The following GMFG variants were observed in gnomAD, a reference collection of about 807,000 sequenced individuals.
The protein encoded by GMFG is glia maturation factor gamma.
A neutral mutation model predicts 26.1 loss-of-function variants in GMFG; 21 were observed. That is an observed-to-expected ratio of 0.80 (90% CI 0.57 to 1.16). The LOEUF is 1.16. GMFG is among the 50% of genes most tolerant of loss of function. The pLI, the probability that GMFG is intolerant of heterozygous loss-of-function variation, is 0.00. For synonymous variants in GMFG, 65 were observed against 60.8 expected, an observed-to-expected ratio of 1.07 and a Z score of -0.32; for missense variants, 161 against 178.3, an observed-to-expected ratio of 0.90 and a Z score of 0.55.
Position 39,329,633 on chromosome 19 carries a change from T to C in GMFG, c.201-7A>G, listed in dbSNP as rs2075218585. 2.5e-6 allele frequency: 4 copies of C among 1,576,614 alleles called. No homozygotes were observed. In the African/African-American group the frequency reaches 4.0e-5, roughly 16 times the overall value. On this transcript the variant is annotated splice_region_variant and splice_polypyrimidine_tract_variant and intron_variant, in intron 4 of 6. Transcript: ENST00000597595. The stretch of plus-strand genomic sequence containing the variant: ...GTAGCTGTAAACCACGAACCTACCG[T>C]GAAAGGGAATTGAAAATCAGGACTC...
chr19:39,333,084 G>C lies in GMFG; in HGVS notation c.193C>G (p.Gln65Glu). The change falls in exon 4 of 7, where the codon CAG (glutamine) becomes GAG (glutamate). Residue 65 changes from glutamine to glutamate, a missense_variant. By Grantham distance (29) the Gln-to-Glu change is conservative (BLOSUM62 2). Coordinates refer to ENST00000597595, the MANE Select transcript of GMFG (RefSeq NM_004877.4). Reference sequence around the variant, plus strand: ...TTTCTTCCCCCAGGATACCTGGGCTGTCTCTCCGGCAACTCCATTTTGAGC... The same window carrying C: ...TTTCTTCCCCCAGGATACCTGGGCTCTCTCTCCGGCAACTCCATTTTGAGC... ...EELKMELPER[Q>E]PRFVVYSYKY... The C allele has an allele frequency of 6.3e-7, 1 of 1,599,808 alleles. No homozygotes were observed. Among genetic ancestry groups the C allele is most frequent in the Non-Finnish European group, 8.5e-7 (1 of 1,169,740 alleles).
chr19:39,328,947 C>T lies in GMFG; in HGVS notation c.357+53G>A, dbSNP rs1038808725. ...ACTCTAGTCCCTCTTCCCTCAGACCCAGGACCCACACCACCTCTCCCTAAC... is the reference window on the plus strand; with the variant it reads ...ACTCTAGTCCCTCTTCCCTCAGACCTAGGACCCACACCACCTCTCCCTAAC... On this transcript the variant is annotated intron_variant, in intron 6 of 6. Coordinates refer to ENST00000597595, the MANE Select transcript of GMFG (RefSeq NM_004877.4). 6.2e-6 allele frequency: 8 copies of T among 1,281,720 alleles called. No individual in the cohort carries two copies. In the African/African-American group the frequency reaches 1.2e-4, roughly 19 times the overall value. 79.4% of individuals were successfully genotyped at this position (1,281,720 alleles called of 1,614,324 possible).
chr19:39,330,407 T>C (rs1249246306), intron 4 of GMFG, among the ~76,000 whole-genome samples: 1 of 151,948 alleles, frequency 6.6e-6, no homozygotes, highest in Admixed American at 6.6e-5. Flanking sequence ...TTGTAGTCTC[T>C]CTCTAGACTG....
At chr19:39,333,283 A>G (rs1381956262) in intron 3 of GMFG, among the ~76,000 whole-genome samples, 157 bp from the exon 4 acceptor site, 1 of 152,168 alleles carries the variant, frequency 6.6e-6, no homozygotes, top group Non-Finnish European at 1.5e-5. Context: ...CGTCTCTACT[A>G]AAAATACAGA....
chr19:39,328,655 G>T, intron 6 of GMFG, 107 bp from the exon 7 acceptor site: 2 of 785,648 alleles, frequency 2.5e-6, no homozygotes, highest in Non-Finnish European at 2.2e-6. Context: ...GAGGTGGGTG[G>T]ATCACTTAAG....
intron 3 of GMFG, among the ~76,000 whole-genome samples, chr19:39,333,445 C>T (rs1007004624): frequency 7.3e-5 from 11 of 151,616 alleles, no homozygotes; most frequent in Non-Finnish European, 1.2e-4. Context: ...GACTCCATTT[C>T]CAACAAAAAA....
intron 3 of GMFG, among the ~76,000 whole-genome samples, 196 bp downstream of exon 3, chr19:39,335,065 G>A (rs572518392): frequency 3.3e-5 from 5 of 152,036 alleles, no homozygotes; most frequent in African/African-American, 1.2e-4. Flanking sequence ...TTGCCAGGCT[G>A]GTCTTGAACT....
intron 4 of GMFG, among the ~76,000 whole-genome samples, chr19:39,331,872 G>GT (rs2075227717): frequency 6.6e-6 from 1 of 151,692 alleles, no homozygotes; most frequent in Admixed American, 6.6e-5. Context: ...TTCTTTTTTT[G>GT]TTTTTTTGAG....
intron 4 of GMFG, among the ~76,000 whole-genome samples, chr19:39,331,486 A>G (rs2075226125): frequency 6.6e-6 from 1 of 152,226 alleles, no homozygotes; most frequent in Non-Finnish European, 1.5e-5. Context: ...TAGAGACCCA[A>G]AATGAATTCA....
At position 39,329,030 on chromosome 19, in the gene GMFG, G is replaced by A. The variant is rs1053362807; in HGVS notation, c.327C>T (p.Asn109=). 3.1e-6 allele frequency: 5 copies of A among 1,613,628 alleles called. No homozygotes were observed. The highest frequency in any genetic ancestry group is 2.7e-5 in the African/African-American group (2 of 74,900). ...EQQMMYAGSK[N]RLVQTAELTK... is the part of the protein sequence containing the mutation. ...TGAGCTCTGCTGTCTGCACCAGCCTGTTTTTACTCCCTGCATACATCATCT... is the reference window on the plus strand; with the variant it reads ...TGAGCTCTGCTGTCTGCACCAGCCTATTTTTACTCCCTGCATACATCATCT... The change falls in exon 6 of 7, where the codon AAC becomes AAT. Residue 109 remains asparagine (N), a synonymous_variant. Coordinates refer to ENST00000597595, the MANE Select transcript of GMFG (RefSeq NM_004877.4).
intron 5 of GMFG, 108 bp downstream of exon 5, chr19:39,329,436 A>C (rs1217666381): frequency 3.5e-5 from 25 of 714,922 alleles, no homozygotes; most frequent in Non-Finnish European, 5.7e-5. Context: ...ACAGGCTGTC[A>C]CATGCTCACA....
chr19:39,332,913 C>A, intron 4 of GMFG, 164 bp downstream of exon 4: 1 of 460,466 alleles, frequency 2.2e-6, no homozygotes, highest in East Asian at 5.6e-5. Context: ...CCCTCCTTGA[C>A]CTCCCAAAGT....
intron 3 of GMFG, among the ~76,000 whole-genome samples, chr19:39,334,120 C>T (rs553958621): frequency 6.6e-6 from 1 of 151,290 alleles, no homozygotes; most frequent in South Asian, 2.1e-4. Flanking sequence ...GGGTTCACGC[C>T]ATTCTCCTGC....
In GMFG at chr19:39,328,984, C is replaced by G. The variant is rs530615138; in HGVS notation, c.357+16G>C. Reference sequence around the variant, plus strand: ...CACCTCTCCCTAACACTCTGGAGCCCCATCCCAGTCTGAACCTTTGTGAGC... The same window carrying G: ...CACCTCTCCCTAACACTCTGGAGCCGCATCCCAGTCTGAACCTTTGTGAGC... On this transcript the variant is annotated intron_variant, in intron 6 of 6. Transcript: ENST00000597595. 42 of 1,588,324 alleles carry G rather than the reference C, an allele frequency of 2.6e-5. No individual in the cohort carries two copies. Among genetic ancestry groups the G allele is most frequent in the Non-Finnish European group, 3.5e-5 (40 of 1,156,368 alleles).
chr19:39,329,035 T>C lies in GMFG; in HGVS notation c.322A>G (p.Lys108Glu), dbSNP rs754475765. ...PEQQMMYAGS[K>E]NRLVQTAELT... ...TCTGCTGTCTGCACCAGCCTGTTTTTACTCCCTGCATACATCATCTGTTGT... is the reference window on the plus strand; with the variant it reads ...TCTGCTGTCTGCACCAGCCTGTTTTCACTCCCTGCATACATCATCTGTTGT... The change falls in exon 6 of 7, where the codon AAA becomes GAA. Residue 108 changes from lysine (K) to glutamate (E), a missense_variant. Physicochemically the swap from Lys to Glu is moderately conservative, Grantham distance 56. Transcript: ENST00000597595. 2.5e-6 allele frequency: 4 copies of C among 1,613,792 alleles called. No individual in the cohort carries two copies. Among genetic ancestry groups the C allele is most frequent in the Admixed American group, 1.7e-5 (1 of 60,004 alleles).
At chr19:39,329,662 C>A (rs751590062) in intron 4 of GMFG, 36 bp from the exon 5 acceptor site, 20 of 1,340,160 alleles carry the variant, frequency 1.5e-5, no homozygotes, top group Non-Finnish European at 1.9e-5. Flanking sequence ...AGGACTCTGG[C>A]CTGCAGCCCA....
At chr19:39,332,223 A>G (rs2075229249) in intron 4 of GMFG, among the ~76,000 whole-genome samples, 1 of 151,534 alleles carries the variant, frequency 6.6e-6, no homozygotes, top group African/African-American at 2.4e-5. Flanking sequence ...CCAGCTACTC[A>G]GGAGGCTGAG....
At chr19:39,329,183 T>TAGAAGAGCTC in intron 5 of GMFG, 110 bp from the exon 6 acceptor site, 1 of 715,008 alleles carries the variant, frequency 1.4e-6, no homozygotes, top group Non-Finnish European at 2.5e-6. Context: ...TAGGAGCTCT[T>TAGAAGAGCTC]CTAAGGAGGT....
At chr19:39,334,559 T>G (rs1383737787) in intron 3 of GMFG, among the ~76,000 whole-genome samples, 1 of 152,158 alleles carries the variant, frequency 6.6e-6, no homozygotes, top group Non-Finnish European at 1.5e-5. Context: ...TGAGCCACCA[T>G]GCCTGGCTAG....
Sources: allele counts gnomAD v4.1 joint callset (sites outside exome capture counted in the v4.1 genomes callset), GRCh38; gene constraint gnomAD v4.1.1; transcripts MANE v1.5; gene names NCBI Gene and HGNC (gene_info 2026-07-23, HGNC 2026-07-21).